The following FAAH2 variants were observed in gnomAD, a reference collection of about 807,000 sequenced individuals.
The protein encoded by FAAH2 is fatty acid amide hydrolase 2.
Under a neutral mutation model 36.9 loss-of-function variants are expected in FAAH2, and 60 were observed. That is an observed-to-expected ratio of 1.63 (90% CI 1.32 to 2.02). The LOEUF (loss-of-function observed/expected upper bound fraction) is 2.02, where lower values mean the gene tolerates loss of function less well. Ranked by LOEUF, FAAH2 falls within the 30% of genes most tolerant of loss-of-function variation. FAAH2 has a pLI of 0.00. For synonymous variants in FAAH2, 214 were observed against 143.8 expected (o/e 1.49, Z -3.49); for missense variants, 689 against 397.5 (o/e 1.73, Z -6.23).
At chrX:57,479,624 T>A (rs1463287148) in intron 10 of FAAH2, among the ~76,000 whole-genome samples, 1 of 111,610 alleles carries the variant, frequency 9.0e-6, no homozygotes, top group East Asian at 2.8e-4. Context: ...GCTGTGGGTT[T>A]GTCATAGATA....
At chrX:57,288,451 G>A (rs1272220672) in intron 1 of FAAH2, among the ~76,000 whole-genome samples, 1 of 96,773 alleles carries the variant, frequency 1.0e-5, no homozygotes, top group Non-Finnish European at 2.0e-5. Flanking sequence ...CCGGGTTGAC[G>A]CCATTCTCCT....
chrX:57,183,155 C>T, the FAAH2 span, among the ~76,000 whole-genome samples: 3 of 110,831 alleles, frequency 2.7e-5, no homozygotes, highest in African/African-American at 9.9e-5. Flanking sequence ...TACTACAAAC[C>T]CCCATGACAC....
the FAAH2 span, among the ~76,000 whole-genome samples, chrX:57,232,474 T>C: frequency 8.9e-6 from 1 of 111,986 alleles, no homozygotes; most frequent in African/African-American, 3.2e-5. Flanking sequence ...GTAGGAAAAT[T>C]TCAGCTCTTA....
At chrX:57,450,734 G>A (rs1483505067) in intron 10 of FAAH2, among the ~76,000 whole-genome samples, 4 of 111,057 alleles carry the variant, frequency 3.6e-5, no homozygotes, top group Non-Finnish European at 7.5e-5. Context: ...TTGAGCCTTG[G>A]CTTTCTTACA....
At chrX:57,300,883 G>C (rs1332737498) in intron 2 of FAAH2, among the ~76,000 whole-genome samples, 1 of 112,307 alleles carries the variant, frequency 8.9e-6, no homozygotes, top group Non-Finnish European at 1.9e-5. Flanking sequence ...CTGGCCATCA[G>C]AGAAATGCAA....
the FAAH2 span, among the ~76,000 whole-genome samples, chrX:57,245,579 T>A: frequency 8.9e-6 from 1 of 111,883 alleles, no homozygotes; most frequent in African/African-American, 3.2e-5. Context: ...AGAAACTCAC[T>A]CGAAACCCCA....
At chrX:57,363,382 G>T (rs1344793412) in intron 5 of FAAH2, among the ~76,000 whole-genome samples, 1 of 111,258 alleles carries the variant, frequency 9.0e-6, no homozygotes, top group African/African-American at 3.3e-5. Context: ...AACATTATTG[G>T]TGTATAAAAG....
rs146669436 is a variant in FAAH2, at chrX:57,460,397, G to A, written c.1423+11679G>A. Among the ~76,000 whole-genome samples the A allele has an allele frequency of 2.8e-4, 31 of 111,617 alleles. 1 individual carries two copies. The East Asian group carries it at 8.2e-3, about 30-fold the overall frequency. On this transcript the variant is annotated intron_variant, in intron 10 of 10. Transcript: ENST00000374900. The stretch of plus-strand genomic sequence containing the variant: ...TGAAAGGCTGGAATAAATGTTAAGG[G>A]CAGCTAGAGAGAAAGGTCAGGTTAC...
intron 7 of FAAH2, among the ~76,000 whole-genome samples, chrX:57,387,869 G>A (rs1602497090): frequency 9.0e-6 from 1 of 111,298 alleles, no homozygotes; most frequent in Admixed American, 9.6e-5. Flanking sequence ...TGAGTGATGT[G>A]TGTATCTGAG....
intron 10 of FAAH2, among the ~76,000 whole-genome samples, chrX:57,480,380 C>T (rs1387688063): frequency 3.6e-5 from 4 of 111,774 alleles, no homozygotes; most frequent in East Asian, 2.8e-4. Flanking sequence ...ACTGGCAAAC[C>T]GAATCCAGCA....
the FAAH2 span, among the ~76,000 whole-genome samples, chrX:57,151,883 G>T: frequency 9.0e-6 from 1 of 111,262 alleles, no homozygotes; most frequent in Non-Finnish European, 1.9e-5. Flanking sequence ...CCCCATCTTT[G>T]TGGTTTTATC....
At chrX:57,165,216 T>A in the FAAH2 span, among the ~76,000 whole-genome samples, 5 of 112,084 alleles carry the variant, frequency 4.5e-5, no homozygotes, top group Non-Finnish European at 9.4e-5. Flanking sequence ...CTATAAATCA[T>A]GCTGCTATAA....
intron 7 of FAAH2, chrX:57,393,021 G>C: frequency 1.1e-6 from 1 of 902,590 alleles, no homozygotes; most frequent in South Asian, 2.0e-5. Context: ...GAAGCTGCTG[G>C]GTGCTTGTCC....
intron 7 of FAAH2, among the ~76,000 whole-genome samples, chrX:57,387,939 G>A (rs781478207): frequency 1.8e-5 from 2 of 111,031 alleles, no homozygotes; most frequent in African/African-American, 6.5e-5. Context: ...GTAAGGATGT[G>A]TGCCACCTCC....
At chrX:57,214,942 A>T in the FAAH2 span, among the ~76,000 whole-genome samples, 1 of 110,521 alleles carries the variant, frequency 9.0e-6, no homozygotes, top group Non-Finnish European at 1.9e-5. Context: ...ATGCTTTGTG[A>T]TCTAAAATTG....
At chrX:57,374,950 C>A (rs186484757) in intron 5 of FAAH2, among the ~76,000 whole-genome samples, 1 of 111,471 alleles carries the variant, frequency 9.0e-6, no homozygotes, top group Non-Finnish European at 1.9e-5. Context: ...TGCTTTTCTG[C>A]GTCTATCAAG....
chrX:57,315,021 G>A (rs555242200), intron 3 of FAAH2, among the ~76,000 whole-genome samples: 1 of 111,085 alleles, frequency 9.0e-6, no homozygotes. Context: ...AAGTTAGACT[G>A]CTACCTAGAT....
intron 5 of FAAH2, among the ~76,000 whole-genome samples, chrX:57,377,520 C>T (rs1389863659): frequency 8.9e-6 from 1 of 112,112 alleles, no homozygotes. Context: ...TGTCTTGGTA[C>T]CAGTACCATG....
chrX:57,441,048 C>T (rs931551415), intron 8 of FAAH2, among the ~76,000 whole-genome samples: 4 of 111,410 alleles, frequency 3.6e-5, no homozygotes, highest in East Asian at 5.6e-4. Context: ...ATTAGAGATA[C>T]TGGTCTAAAA....
Sources: allele counts gnomAD v4.1 joint callset (sites outside exome capture counted in the v4.1 genomes callset), GRCh38; gene constraint gnomAD v4.1.1; transcripts MANE v1.5; gene names NCBI Gene and HGNC (gene_info 2026-07-23, HGNC 2026-07-21).